RUBCN: variants seen among roughly 807,000 people sequenced by gnomAD.
The protein encoded by RUBCN is run domain Beclin-1-interacting and cysteine-rich domain-containing protein.
Under a neutral mutation model 113.2 loss-of-function variants are expected in RUBCN, and 74 were observed. The ratio of observed to expected loss-of-function variants is 0.65; its 90% CI spans 0.54 to 0.79. The LOEUF (loss-of-function observed/expected upper bound fraction) is 0.79, where lower values mean the gene tolerates loss of function less well. Among genes scored for constraint, RUBCN ranks in the 30% least tolerant of loss-of-function variants. The pLI is 0.00. For synonymous variants in RUBCN, 480 were observed against 490.0 expected, an observed-to-expected ratio of 0.98 and a Z score of 0.27; for missense variants, 1,109 against 1,251.7, an observed-to-expected ratio of 0.89 and a Z score of 1.72.
intron 2 of RUBCN, among the ~76,000 whole-genome samples, chr3:197,709,544 C>T (rs543912955): frequency 1.3e-5 from 2 of 152,246 alleles, no homozygotes; most frequent in African/African-American, 4.8e-5. Flanking sequence ...CCATGCCCGG[C>T]TAGTTTTGTA....
chr3:197,721,054 C>T (rs922924828), intron 1 of RUBCN, among the ~76,000 whole-genome samples: 1 of 152,032 alleles, frequency 6.6e-6, no homozygotes, highest in Non-Finnish European at 1.5e-5. Flanking sequence ...CTATACTCAT[C>T]GGGGGTACTA....
chr3:197,696,888 C>T (rs536347032), intron 8 of RUBCN, 66 bp downstream of exon 8: 11 of 878,730 alleles, frequency 1.3e-5, no homozygotes, highest in African/African-American at 4.9e-5. Flanking sequence ...AAACTCAGAA[C>T]TTAGCAGGCA....
chr3:197,676,638 C>T (rs964555066), intron 18 of RUBCN: 14 of 1,375,654 alleles, frequency 1.0e-5, no homozygotes, highest in African/African-American at 4.4e-5. Flanking sequence ...AAAGTCTACT[C>T]GGTCTTGCCC....
chr3:197,702,716 G>T (rs1321537610), intron 5 of RUBCN, among the ~76,000 whole-genome samples: 1 of 152,078 alleles, frequency 6.6e-6, no homozygotes, highest in African/African-American at 2.4e-5. Context: ...TGGAGAGATA[G>T]GGGATCTGCT....
intron 11 of RUBCN, among the ~76,000 whole-genome samples, chr3:197,687,894 C>T (rs979521656): frequency 6.6e-6 from 1 of 152,162 alleles, no homozygotes; most frequent in African/African-American, 2.4e-5. Context: ...TTCAGGGAAC[C>T]CCACCATCCA....
Position 197,675,604 on chromosome 3 carries a change from A to G in RUBCN, c.2647-89T>C, listed in dbSNP as rs760461086. On this transcript the variant is annotated intron_variant, in intron 18 of 19. Coordinates refer to ENST00000296343, the MANE Select transcript of RUBCN (RefSeq NM_014687.4). This position sits in a 1 kb window ranked among gnomAD's most constrained non-coding sequence, Gnocchi z 4.4. ...TGAACACCGAGGAGGGGAGTGGTCT[A>G]CAGGGTTCTGCTGCCCACAGGGAGG... The G allele has an allele frequency of 2.0e-5, 20 of 996,844 alleles. No homozygotes were observed. Among genetic ancestry groups the G allele is most frequent in the Non-Finnish European group, 3.2e-5 (20 of 628,148 alleles). 61.7% of individuals were successfully genotyped at this position (996,844 alleles called of 1,614,324 possible).
In RUBCN at chr3:197,694,591, G is replaced by A. The variant is rs757661014; in HGVS notation, c.1474-6C>T. On this transcript the variant is annotated splice_polypyrimidine_tract_variant and splice_region_variant and intron_variant, in intron 9 of 19. Transcript: ENST00000296343. ...ATGCTGAAGTGGGCATTCTCCTGGC[G>A]GAAGGAGAGCACCAAACAGGCAAAG... 6.1e-5 allele frequency: 99 copies of A among 1,612,668 alleles called. No homozygotes were observed. Among genetic ancestry groups the A allele is most frequent in the Non-Finnish European group, 7.6e-5 (90 of 1,178,790 alleles).
rs371017015 is a variant in RUBCN, at chr3:197,671,006, T to C, written c.*4012A>G. ...CGCCCCTCATGCCACAGTGTGCTGG[T>C]GCTTTTTTTGTTTTGTTTTGTTTTT... On this transcript the variant is annotated 3_prime_UTR_variant, in exon 20 of 20. Transcript: ENST00000296343. Among the ~76,000 whole-genome samples the C allele has an allele frequency of 1.2e-4, 19 of 152,058 alleles. No individual in the cohort carries two copies. The highest frequency in any genetic ancestry group is 4.3e-4 in the African/African-American group (18 of 41,464).
In RUBCN at chr3:197,669,279, A is replaced by C. The variant is rs1293098480; in HGVS notation, c.*5739T>G. Among the ~76,000 whole-genome samples, 1 of 152,142 alleles carries C rather than the reference A, an allele frequency of 6.6e-6. No homozygotes were observed. The highest frequency in any genetic ancestry group is 1.9e-4 in the East Asian group (1 of 5,200). On this transcript the variant is annotated 3_prime_UTR_variant, in exon 20 of 20. Transcript: ENST00000296343. ...TCAGATTTTGCCAGTTTTTTCACTA[A>C]TATCCTTTCTCCATTTCGGGATCCC...
At chr3:197,676,617 C>T in intron 18 of RUBCN, 3 of 1,341,674 alleles carry the variant, frequency 2.2e-6, no homozygotes, top group Non-Finnish European at 2.9e-6. Context: ...CTGGCCAACA[C>T]TTCTTGAGTG....
In RUBCN at chr3:197,683,213, A is replaced by G. The variant is rs1425871958; in HGVS notation, c.1980+94T>C. On this transcript the variant is annotated intron_variant, in intron 13 of 19. Coordinates refer to ENST00000296343, the MANE Select transcript of RUBCN (RefSeq NM_014687.4). The surrounding 1 kb of genome is among the most constrained non-coding windows in gnomAD (Gnocchi z 4.6). ...TTCCACGAGTAAGGGGGGAACACCC[A>G]GGCTCATTCCAGACTAGGGACATGT... 1 of 1,485,104 alleles carries G rather than the reference A, an allele frequency of 6.7e-7. No homozygotes were observed. The highest frequency in any genetic ancestry group is 9.4e-7 in the Non-Finnish European group (1 of 1,062,892). The allele number at this position is 1,485,104 out of a possible 1,614,324, so 92.0% of individuals were successfully genotyped here.
In RUBCN at chr3:197,685,907, A is replaced by G. The variant is rs577774687; in HGVS notation, c.1787-1690T>C. Among the ~76,000 whole-genome samples, 29 of 152,320 alleles carry G rather than the reference A, an allele frequency of 1.9e-4. No individual in the cohort carries two copies. In the East Asian group the frequency reaches 5.4e-3, roughly 28 times the overall value. On this transcript the variant is annotated intron_variant, in intron 11 of 19. Transcript: ENST00000296343. ...CAACATTTATTTGGGTAACACTTAC[A>G]CTGCCTTGGGCTGTACCTAAGTCTT...
rs1006106217 is a variant in RUBCN, at chr3:197,694,547, A to C, written c.1512T>G (p.Ala504=). 2 of 1,614,202 alleles carry C rather than the reference A, an allele frequency of 1.2e-6. No individual in the cohort carries two copies. Among genetic ancestry groups the C allele is most frequent in the South Asian group, 2.2e-5 (2 of 91,088 alleles). ...TGTTGCACTTCATTAGCTCGATGGC[A>C]GCAATTAAGGACTCTGAGATGCTGA... ...AHFSISESLI[A]AIELMKCNMM... The change falls in exon 10 of 20, where the codon GCT becomes GCG. Residue 504 remains alanine, a synonymous_variant. Coordinates refer to ENST00000296343, the MANE Select transcript of RUBCN (RefSeq NM_014687.4).
At chr3:197,726,078 T>C (rs1232833295) in intron 1 of RUBCN, among the ~76,000 whole-genome samples, 2 of 152,190 alleles carry the variant, frequency 1.3e-5, no homozygotes, top group African/African-American at 4.8e-5. Context: ...CTAAATAATC[T>C]GACCCACTAT....
chr3:197,726,511 G>T (rs1484663544), intron 1 of RUBCN, among the ~76,000 whole-genome samples: 4 of 150,152 alleles, frequency 2.7e-5, no homozygotes, highest in African/African-American at 9.9e-5. Context: ...CTCCCAAAGT[G>T]CTGGGATTAC....
In RUBCN at chr3:197,681,471, G is replaced by T; in HGVS notation, c.2192-104C>A. 1.2e-6 allele frequency: 1 copy of T among 848,868 alleles called. No homozygotes were observed. The highest frequency in any genetic ancestry group is 1.4e-5 in the South Asian group (1 of 71,876). The allele number at this position is 848,868 out of a possible 1,614,324, so 52.6% of individuals were successfully genotyped here. On this transcript the variant is annotated intron_variant, in intron 15 of 19. Coordinates refer to ENST00000296343, the MANE Select transcript of RUBCN (RefSeq NM_014687.4). The surrounding 1 kb of genome is among the most constrained non-coding windows in gnomAD (Gnocchi z 5.5). ...GAAAGGGCAGAGAGGGACAGCCAAT[G>T]GCCTCCAGCAACCTCTGTCTGAGTT...
At position 197,703,555 on chromosome 3, in the gene RUBCN, G is replaced by T. The variant is rs775760078; in HGVS notation, c.563C>A (p.Ala188Glu). 17 of 1,607,110 alleles carry T rather than the reference G, an allele frequency of 1.1e-5. No individual in the cohort carries two copies. Among genetic ancestry groups the T allele is most frequent in the Non-Finnish European group, 1.4e-5 (17 of 1,173,772 alleles). The change falls in exon 5 of 20, where the codon GCG (alanine) becomes GAG (glutamate). Residue 188 changes from alanine to glutamate, a missense_variant. This residue lies in a region of RUBCN where 736 missense variants were observed against 779.6 expected (regional missense o/e 0.94). Coordinates refer to ENST00000296343, the MANE Select transcript of RUBCN (RefSeq NM_014687.4). ...ATTCCTTGTCCCCTGTACCATGGACGCATCGATCTGAGCCAGGAGGCGGGG... is the reference window on the plus strand; with the variant it reads ...ATTCCTTGTCCCCTGTACCATGGACTCATCGATCTGAGCCAGGAGGCGGGG... The part of the protein sequence containing the change: ...NNPRLLAQID[A>E]SMFARKHESP...
intron 11 of RUBCN, 74 bp from the exon 12 acceptor site, chr3:197,684,291 G>A (rs1721593632): frequency 1.8e-6 from 2 of 1,139,590 alleles, no homozygotes; most frequent in Non-Finnish European, 2.7e-6. Context: ...CTATTACAAG[G>A]TGCTCCCAGC....
At chr3:197,719,964 G>A (rs35898541) in intron 1 of RUBCN, among the ~76,000 whole-genome samples, 3,191 of 152,204 alleles carry the variant, frequency 0.021, 54 homozygotes, top group Middle Eastern at 0.031. Flanking sequence ...CAGCTATTCT[G>A]AACTACACCA....
Sources: gnomAD v4.1 joint callset for allele counts (sites outside exome capture counted in the v4.1 genomes callset) on GRCh38, gnomAD v4.1.1 for gene constraint, gnomAD v4.1.1 regional missense constraint, Gnocchi (gnomAD v3.1) non-coding constraint, MANE v1.5 for transcripts, NCBI Gene and HGNC (gene_info 2026-07-23, HGNC 2026-07-21) for gene names.